ZNF385D: variants seen among roughly 807,000 people sequenced by gnomAD.
ZNF385D encodes zinc finger protein 385D, also known as zinc finger protein 659.
ZNF385D carries 15 observed loss-of-function variants against 35.8 expected under a neutral mutation model. That is an observed-to-expected ratio of 0.42 (90% CI 0.28 to 0.64). The LOEUF is 0.64. Among genes scored for constraint, ZNF385D ranks in the 30% least tolerant of loss-of-function variants. The pLI, the probability that ZNF385D is intolerant of heterozygous loss-of-function variation, is 0.23. For synonymous variants in ZNF385D, 212 were observed against 186.8 expected (o/e 1.13, Z -1.10); for missense variants, 474 against 494.6 (o/e 0.96, Z 0.39).
At chr3:21,522,112 T>A (rs1246376502) in intron 3 of ZNF385D, among the ~76,000 whole-genome samples, 1 of 152,130 alleles carries the variant, frequency 6.6e-6, no homozygotes, top group African/African-American at 2.4e-5. Context: ...GTGAATAAAC[T>A]GTGCTTTTAT....
intron 3 of ZNF385D, among the ~76,000 whole-genome samples, chr3:22,040,189 C>G (rs1262828366): frequency 6.6e-6 from 1 of 151,978 alleles, no homozygotes; most frequent in Admixed American, 6.6e-5. Flanking sequence ...TTACACATAG[C>G]CCACATCTTT....
intron 3 of ZNF385D, among the ~76,000 whole-genome samples, chr3:22,043,102 T>C (rs923375489): frequency 6.6e-6 from 1 of 152,168 alleles, no homozygotes; most frequent in East Asian, 1.9e-4. Flanking sequence ...ACTCAGAGAA[T>C]AAAGCTGCAG....
intron 1 of ZNF385D, among the ~76,000 whole-genome samples, chr3:21,707,160 CTTAG>C (rs2067936915): frequency 6.6e-6 from 1 of 152,086 alleles, no homozygotes; most frequent in Middle Eastern, 3.4e-3. Flanking sequence ...GAAAAGGATG[CTTAG>C]TTAAATAGTT....
intron 2 of ZNF385D, among the ~76,000 whole-genome samples, chr3:22,273,076 G>GA (rs562714077): frequency 2.7e-5 from 4 of 150,922 alleles, no homozygotes; most frequent in Non-Finnish European, 4.4e-5. Context: ...GAGAAAGAGA[G>GA]AAAAAAAAGA....
At chr3:21,952,063 C>T (rs1233987662) in intron 3 of ZNF385D, among the ~76,000 whole-genome samples, 2 of 148,836 alleles carry the variant, frequency 1.3e-5, no homozygotes, top group South Asian at 2.1e-4. Context: ...CAATGGGACT[C>T]TTTTTAAGCA....
chr3:22,256,606 G>GT (rs1189917079), intron 2 of ZNF385D, among the ~76,000 whole-genome samples: 1 of 151,814 alleles, frequency 6.6e-6, no homozygotes, highest in Non-Finnish European at 1.5e-5. Context: ...ATAAATCATC[G>GT]TATCTGTCAC....
At chr3:21,986,896 T>G (rs1168990700) in intron 3 of ZNF385D, among the ~76,000 whole-genome samples, 2 of 42,536 alleles carry the variant, frequency 4.7e-5, no homozygotes, top group East Asian at 9.4e-4. Context: ...CTCCTCTTGT[T>G]GAATTGATCC....
chr3:21,815,027 G>T (rs936085710), intron 3 of ZNF385D, among the ~76,000 whole-genome samples: 1 of 152,108 alleles, frequency 6.6e-6, no homozygotes, highest in Non-Finnish European at 1.5e-5. Flanking sequence ...GAATTAAGAA[G>T]CTCACTCAAA....
intron 3 of ZNF385D, among the ~76,000 whole-genome samples, chr3:22,147,568 T>C (rs1282395422): frequency 1.3e-5 from 2 of 152,132 alleles, no homozygotes; most frequent in Non-Finnish European, 2.9e-5. Flanking sequence ...AAATGAAATA[T>C]TAATGGTAAT....
At chr3:21,927,885 G>A (rs955543640) in intron 3 of ZNF385D, among the ~76,000 whole-genome samples, 8 of 152,038 alleles carry the variant, frequency 5.3e-5, no homozygotes, top group African/African-American at 1.4e-4. Flanking sequence ...TACCACTCTC[G>A]ATAACAGCAC....
chr3:21,509,759 G>C (rs1355370604), intron 4 of ZNF385D, among the ~76,000 whole-genome samples: 2 of 152,136 alleles, frequency 1.3e-5, no homozygotes, highest in Non-Finnish European at 2.9e-5. Context: ...AGGGCTCTTA[G>C]GGAGGGCAGC....
chr3:21,980,155 T>A (rs1435616351), intron 3 of ZNF385D, among the ~76,000 whole-genome samples: 1 of 152,202 alleles, frequency 6.6e-6, no homozygotes, highest in African/African-American at 2.4e-5. Flanking sequence ...AAGGAACTAC[T>A]AAGACCTCTT....
At chr3:22,143,830 A>T (rs1417012861) in intron 3 of ZNF385D, among the ~76,000 whole-genome samples, 1 of 152,180 alleles carries the variant, frequency 6.6e-6, no homozygotes, top group Non-Finnish European at 1.5e-5. Context: ...TCTGATCTTA[A>T]ATTCATGTAC....
intron 2 of ZNF385D, among the ~76,000 whole-genome samples, chr3:22,266,772 A>T (rs1358995347): frequency 6.6e-6 from 1 of 151,916 alleles, no homozygotes; most frequent in Non-Finnish European, 1.5e-5. Flanking sequence ...TCATTATTTG[A>T]TAAGTCTGCT....
intron 3 of ZNF385D, among the ~76,000 whole-genome samples, chr3:21,995,667 G>T (rs1483058335): frequency 7.2e-5 from 11 of 151,770 alleles, no homozygotes; most frequent in Non-Finnish European, 1.3e-4. Context: ...CCCCCAAATG[G>T]CATTCTCAAG....
chr3:21,812,908 C>G (rs938262668), intron 3 of ZNF385D, among the ~76,000 whole-genome samples: 4 of 152,202 alleles, frequency 2.6e-5, no homozygotes, highest in Non-Finnish European at 4.4e-5. Context: ...AAGTGGGTCC[C>G]TGACCCCTGA....
chr3:21,893,092 C>T (rs1259909483), intron 3 of ZNF385D, among the ~76,000 whole-genome samples: 1 of 152,120 alleles, frequency 6.6e-6, no homozygotes, highest in Non-Finnish European at 1.5e-5. Context: ...GGCTGTAACA[C>T]TCCCTGCATG....
intron 4 of ZNF385D, among the ~76,000 whole-genome samples, chr3:21,445,120 C>G (rs1377028429): frequency 2.0e-5 from 3 of 152,214 alleles, no homozygotes; most frequent in African/African-American, 7.2e-5. Context: ...TACTTTATAT[C>G]TTCAACCTCC....
At chr3:21,827,437 T>C (rs1020031130) in intron 3 of ZNF385D, among the ~76,000 whole-genome samples, 16 of 152,220 alleles carry the variant, frequency 1.1e-4, no homozygotes, top group Admixed American at 1.0e-3. Flanking sequence ...CAAAGATTCC[T>C]TCAAATACTT....
Sources: gnomAD v4.1 joint callset for allele counts (sites outside exome capture counted in the v4.1 genomes callset) on GRCh38, gnomAD v4.1.1 for gene constraint, MANE v1.5 for transcripts, NCBI Gene and HGNC (gene_info 2026-07-23, HGNC 2026-07-21) for gene names.